LRRC53: variants seen among roughly 807,000 people sequenced by gnomAD.
The protein encoded by LRRC53 is leucine rich repeat containing 53, also known as leucine-rich repeat-containing protein 53.
Under a neutral mutation model 13.6 loss-of-function variants are expected in LRRC53, and 25 were observed. The ratio of observed to expected loss-of-function variants is 1.83; its 90% CI spans 1.34 to 2.56. The LOEUF (loss-of-function observed/expected upper bound fraction) is 2.56, where lower values mean the gene tolerates loss of function less well. Among genes scored for constraint, LRRC53 ranks in the 30% most tolerant of loss-of-function variants. The pLI, the probability that LRRC53 is intolerant of heterozygous loss-of-function variation, is 0.00. For synonymous variants in LRRC53, 204 were observed against 109.8 expected, an observed-to-expected ratio of 1.86 and a Z score of -5.37; for missense variants, 527 against 275.8, an observed-to-expected ratio of 1.91 and a Z score of -6.45.
chr1:74,506,690 G>A (rs1264975018), intron 1 of LRRC53, among the ~76,000 whole-genome samples: 1 of 152,212 alleles, frequency 6.6e-6, no homozygotes, highest in Non-Finnish European at 1.5e-5. Context: ...ATTTTAACAA[G>A]ATTTTAACAG....
chr1:74,510,185 T>C (rs1376020058), intron 1 of LRRC53, among the ~76,000 whole-genome samples: 3 of 152,144 alleles, frequency 2.0e-5, no homozygotes, highest in Admixed American at 2.0e-4. Flanking sequence ...AGATCAGTAG[T>C]AGAGAGGGCA....
chr1:74,508,551 G>C (rs45587936), intron 1 of LRRC53, among the ~76,000 whole-genome samples: 13,082 of 152,140 alleles, frequency 0.086, 1,371 homozygotes, highest in African/African-American at 0.25. Flanking sequence ...GAGAGAAAAG[G>C]GTTAAAAAAT....
chr1:74,521,744 G>A, the LRRC53 span, among the ~76,000 whole-genome samples: 69 of 152,240 alleles, frequency 4.5e-4, 1 homozygote, highest in Admixed American at 1.6e-3. Context: ...GATAAGAAGG[G>A]CACAGGGTCT....
rs771569123 is a variant in LRRC53 at position 74,480,146 on chromosome 1, G to C, written c.904+7C>G. Reference sequence around the variant, plus strand: ...AAAAGAGGAGGGCACACTTCTCCCCGGCATACCTGCGAAGCCAAGGACAGT... The same window carrying C: ...AAAAGAGGAGGGCACACTTCTCCCCCGCATACCTGCGAAGCCAAGGACAGT... On this transcript the variant is annotated splice_region_variant and intron_variant, in intron 3 of 4. Coordinates refer to ENST00000294635, the MANE Select transcript of LRRC53 (RefSeq NM_001382280.1). 1.4e-6 allele frequency: 1 copy of C among 712,882 alleles called. No individual in the cohort carries two copies. 44.2% of individuals were successfully genotyped at this position (712,882 alleles called of 1,614,324 possible). A position where few individuals can be genotyped will look rare whatever the true frequency, so the allele number is the denominator to read the frequency against.
At chr1:74,489,152 A>G (rs756478420) in intron 1 of LRRC53, 3 of 1,584,588 alleles carry the variant, frequency 1.9e-6, no homozygotes, top group Non-Finnish European at 2.6e-6. Flanking sequence ...CCTTCCTTTT[A>G]TTCTTAAGGG....
the LRRC53 span, among the ~76,000 whole-genome samples, chr1:74,521,050 G>A: frequency 1.3e-5 from 2 of 152,246 alleles, no homozygotes; most frequent in South Asian, 4.1e-4. Context: ...ACTGGACAGA[G>A]TGTTCTTACA....
intron 1 of LRRC53, among the ~76,000 whole-genome samples, chr1:74,502,804 A>G (rs1228213007): frequency 6.6e-6 from 1 of 152,200 alleles, no homozygotes; most frequent in Non-Finnish European, 1.5e-5. Context: ...CAAACTGAAC[A>G]CAACTCCACA....
rs1667881868 is a variant in LRRC53, at chr1:74,470,655, C to T, written c.2967G>A (p.Lys989=). ...GTTTTTTTTCTACATCATTTTCTTC[C>T]TTATCCATAATACAATTTTCCACAA... The part of the protein sequence containing the change: ...HQIVENCIMD[K]EENDVEKKLS... The change falls in exon 5 of 5, where the codon AAG becomes AAA. Residue 989 remains lysine (K), a synonymous_variant. Transcript: ENST00000294635. 2.5e-6 allele frequency: 1 copy of T among 400,418 alleles called. No homozygotes were observed. Among genetic ancestry groups the T allele is most frequent in the Non-Finnish European group, 4.4e-6 (1 of 226,142 alleles). 24.8% of individuals were successfully genotyped at this position (400,418 alleles called of 1,614,324 possible). A position where few individuals can be genotyped will look rare whatever the true frequency, so the allele number is the denominator to read the frequency against.
chr1:74,518,563 T>C, the LRRC53 span, among the ~76,000 whole-genome samples: 1 of 152,278 alleles, frequency 6.6e-6, no homozygotes, highest in East Asian at 1.9e-4. Flanking sequence ...TCTCAGTGGA[T>C]TCTACTAATC....
chr1:74,474,451 C>A (rs764578441), intron 4 of LRRC53, among the ~76,000 whole-genome samples: 19 of 152,070 alleles, frequency 1.2e-4, no homozygotes, highest in Non-Finnish European at 2.2e-4. Flanking sequence ...TTATTCTTAT[C>A]CAGTCGCCCC....
At chr1:74,511,894 C>T (rs990157783) in intron 1 of LRRC53, among the ~76,000 whole-genome samples, 11 of 152,114 alleles carry the variant, frequency 7.2e-5, no homozygotes, top group African/African-American at 2.7e-4. Flanking sequence ...CATTTGGGAA[C>T]AGCAAAGGGT....
intron 1 of LRRC53, among the ~76,000 whole-genome samples, chr1:74,504,337 G>C (rs1175828271): frequency 6.6e-6 from 1 of 152,190 alleles, no homozygotes; most frequent in Non-Finnish European, 1.5e-5. Flanking sequence ...CTAGCAGTCA[G>C]TTGCCAAACC....
At chr1:74,523,191 C>T in the LRRC53 span, among the ~76,000 whole-genome samples, 1 of 152,180 alleles carries the variant, frequency 6.6e-6, no homozygotes, top group East Asian at 1.9e-4. Context: ...ACCGATACCA[C>T]ACAGTTGCTG....
chr1:74,489,858 A>G (rs1668965093), intron 1 of LRRC53, among the ~76,000 whole-genome samples: 1 of 152,080 alleles, frequency 6.6e-6, no homozygotes, highest in Non-Finnish European at 1.5e-5. Flanking sequence ...CATGCACACT[A>G]CTTGAAAAAT....
In LRRC53 at chr1:74,472,202, C is replaced by T. The variant is rs1667970771; in HGVS notation, c.1421-1G>A. 1 of 716,332 alleles carries T rather than the reference C, an allele frequency of 1.4e-6. No individual in the cohort carries two copies. Among genetic ancestry groups the T allele is most frequent in the Non-Finnish European group, 2.6e-6 (1 of 384,518 alleles). 44.4% of individuals were successfully genotyped at this position (716,332 alleles called of 1,614,324 possible). On this transcript the variant is annotated splice_acceptor_variant, in intron 4 of 4. Coordinates refer to ENST00000294635, the MANE Select transcript of LRRC53 (RefSeq NM_001382280.1). LOFTEE classifies it high-confidence loss of function. Reference sequence around the variant, plus strand: ...CTTCTAAATATGTCACTGCTGATATCTGTGGAACAATAAATGCAAGAATTT... The same window carrying T: ...CTTCTAAATATGTCACTGCTGATATTTGTGGAACAATAAATGCAAGAATTT...
At chr1:74,532,959 G>A in the LRRC53 span, among the ~76,000 whole-genome samples, 1 of 152,126 alleles carries the variant, frequency 6.6e-6, no homozygotes, top group East Asian at 1.9e-4. Flanking sequence ...AACCATAAAA[G>A]CCCTAGAATA....
chr1:74,491,279 G>A (rs1219685728), intron 1 of LRRC53, among the ~76,000 whole-genome samples: 2 of 152,188 alleles, frequency 1.3e-5, no homozygotes, highest in Non-Finnish European at 2.9e-5. Context: ...GAGTGCAGTG[G>A]CGCAATCTCA....
At chr1:74,493,246 A>G (rs1669166005) in intron 1 of LRRC53, among the ~76,000 whole-genome samples, 2 of 152,324 alleles carry the variant, frequency 1.3e-5, no homozygotes, top group South Asian at 2.1e-4. Context: ...ATTGTCTCCC[A>G]GTTTTATTTG....
chr1:74,524,885 A>T, the LRRC53 span, among the ~76,000 whole-genome samples: 1 of 152,204 alleles, frequency 6.6e-6, no homozygotes, highest in Non-Finnish European at 1.5e-5. Flanking sequence ...CAGAGAGGTA[A>T]CATCATTAGG....
Sources: gnomAD v4.1 joint callset for allele counts (sites outside exome capture counted in the v4.1 genomes callset) on GRCh38, gnomAD v4.1.1 for gene constraint, MANE v1.5 for transcripts, NCBI Gene and HGNC (gene_info 2026-07-23, HGNC 2026-07-21) for gene names.